PDE12: variants seen among roughly 807,000 people sequenced by gnomAD.
The protein encoded by PDE12 is 2',5'-phosphodiesterase 12.
Under a neutral mutation model 45.4 loss-of-function variants are expected in PDE12, and 26 were observed. The observed-to-expected ratio is 0.57, with a 90% CI of 0.42 to 0.79. The LOEUF is 0.79. Ranked by LOEUF, PDE12 falls within the 30% of genes least tolerant of loss-of-function variation. PDE12 has a pLI of 0.00. For missense variants in PDE12, 668 were observed against 790.0 expected, an observed-to-expected ratio of 0.85 and a Z score of 1.85; for synonymous variants, 283 against 323.9, an observed-to-expected ratio of 0.87 and a Z score of 1.36.
intron 1 of PDE12, among the ~76,000 whole-genome samples, chr3:57,558,234 A>G (rs760905290): frequency 6.6e-6 from 1 of 152,180 alleles, no homozygotes; most frequent in Admixed American, 6.5e-5. Context: ...AAGGTGTTTC[A>G]TGCACCTTAT....
rs1408951941 is a variant in PDE12 at position 57,562,100 on chromosome 3, A to G, written c.*2096A>G. ...ATGTTTTTGGGCTGTTTTCAAAGAA[A>G]GATGTTGATAGAACCCTTAGAGTGA... On this transcript the variant is annotated 3_prime_UTR_variant, in exon 3 of 3. Transcript: ENST00000311180. 3.1e-6 allele frequency: 3 copies of G among 982,122 alleles called. No individual in the cohort carries two copies. The highest frequency in any genetic ancestry group is 2.4e-6 in the Non-Finnish European group (2 of 827,044). 60.8% of individuals were successfully genotyped at this position (982,122 alleles called of 1,614,324 possible).
At chr3:57,626,675 C>T in the PDE12 span, 1 of 152,324 alleles carries the variant, frequency 6.6e-6, no homozygotes, top group Non-Finnish European at 1.5e-5. Context: ...CGCCATTGCA[C>T]TCCAGCCTGG....
chr3:57,643,230 G>A, the PDE12 span, among the ~76,000 whole-genome samples: 1 of 152,090 alleles, frequency 6.6e-6, no homozygotes, highest in Admixed American at 6.6e-5. Flanking sequence ...TTACAAAGGA[G>A]AAATTTATGA....
the PDE12 span, among the ~76,000 whole-genome samples, chr3:57,648,072 T>C: frequency 6.6e-6 from 1 of 152,176 alleles, no homozygotes; most frequent in Non-Finnish European, 1.5e-5. Flanking sequence ...GAATTTAAAC[T>C]GTCACTGTTT....
At position 57,563,344 on chromosome 3, in the gene PDE12, TTC is replaced by T. The variant is rs1468748617; in HGVS notation, c.*3342_*3343del. The T allele has an allele frequency of 1.3e-5, 2 of 152,080 alleles. No individual in the cohort carries two copies. The highest frequency in any genetic ancestry group is 4.8e-5 in the African/African-American group (2 of 41,404). 9.4% of individuals were successfully genotyped at this position (152,080 alleles called of 1,614,324 possible). On this transcript the variant is annotated 3_prime_UTR_variant, in exon 3 of 3. Coordinates refer to ENST00000311180, the MANE Select transcript of PDE12 (RefSeq NM_177966.7). The stretch of plus-strand genomic sequence containing the variant: ...AACCTTCCATAACTGAAAACTAACT[TTC>T]TTTTTTTCTTTTTTTATTATTATAC...
chr3:57,650,740 A>T, the PDE12 span, among the ~76,000 whole-genome samples: 1 of 152,154 alleles, frequency 6.6e-6, no homozygotes, highest in African/African-American at 2.4e-5. Context: ...CCAAACCTGC[A>T]TCAAAAGGTG....
chr3:57,630,847 T>C, the PDE12 span: 3 of 1,610,304 alleles, frequency 1.9e-6, no homozygotes, highest in Non-Finnish European at 2.5e-6. Context: ...ACATATAATA[T>C]TTAGAAATTA....
At chr3:57,559,213 T>C in intron 1 of PDE12, 97 bp from the exon 2 acceptor site, 2 of 980,640 alleles carry the variant, frequency 2.0e-6, no homozygotes, top group Admixed American at 3.9e-5. Context: ...AGAGTGAGAC[T>C]GTCTCGAAAA....
At chr3:57,570,457 A>G (rs1405633482), downstream of PDE12, among the ~76,000 whole-genome samples, 1 of 149,632 alleles carries the variant, frequency 6.7e-6, no homozygotes, top group African/African-American at 2.5e-5. Flanking sequence ...AGCTCAGGCA[A>G]TCTGCCCACC....
Position 57,557,290 on chromosome 3 carries a change from C to G in PDE12, c.911C>G (p.Ala304Gly). Residue 304 changes from alanine to glycine, a missense_variant, in exon 1 of 3, where the codon GCA becomes GGA. Ala to Gly is a moderately conservative substitution (Grantham distance 60, BLOSUM62 0). This residue lies in a region of PDE12 where 580 missense variants were observed against 662.9 expected (regional missense o/e 0.87). Transcript: ENST00000311180. Reference sequence around the variant, plus strand: ...CGCACTGTCTCTTACAACATCCTGGCAGACACGTACGCGCAGACTGAGTTC... The same window carrying G: ...CGCACTGTCTCTTACAACATCCTGGGAGACACGTACGCGCAGACTGAGTTC... ...LIRTVSYNIL[A>G]DTYAQTEFSR... 1 of 1,613,968 alleles carries G rather than the reference C, an allele frequency of 6.2e-7. No homozygotes were observed. The highest frequency in any genetic ancestry group is 1.1e-5 in the South Asian group (1 of 91,082).
At chr3:57,625,560 C>G in the PDE12 span, 1 of 152,410 alleles carries the variant, frequency 6.6e-6, no homozygotes, top group Non-Finnish European at 1.5e-5. Flanking sequence ...TTACATAATA[C>G]CCTTAAAGCA....
At chr3:57,653,313 A>C in the PDE12 span, among the ~76,000 whole-genome samples, 1 of 152,170 alleles carries the variant, frequency 6.6e-6, no homozygotes, top group African/African-American at 2.4e-5. Context: ...GCACACATAG[A>C]AGATAGGAAG....
At chr3:57,652,420 T>C in the PDE12 span, among the ~76,000 whole-genome samples, 1 of 152,126 alleles carries the variant, frequency 6.6e-6, no homozygotes, top group Non-Finnish European at 1.5e-5. Context: ...CAGACTCCTA[T>C]GTCCAACTGA....
In PDE12 at chr3:57,556,376, G is replaced by A. The variant is rs374758717; in HGVS notation, c.-4G>A. ...GTCTTGTCGACCGCTAGGCCACCAGGTTCATGTGGAGGCTCCCAGGCGCCC... is the reference window on the plus strand; with the variant it reads ...GTCTTGTCGACCGCTAGGCCACCAGATTCATGTGGAGGCTCCCAGGCGCCC... On this transcript the variant is annotated 5_prime_UTR_variant, in exon 1 of 3. Transcript: ENST00000311180. This position sits in a 1 kb window ranked among gnomAD's most constrained non-coding sequence, Gnocchi z 5.0. The A allele has an allele frequency of 1.9e-6, 3 of 1,564,388 alleles. No individual in the cohort carries two copies. Among genetic ancestry groups the A allele is most frequent in the Non-Finnish European group, 2.6e-6 (3 of 1,155,634 alleles).
At chr3:57,632,328 CTCTT>C in the PDE12 span, among the ~76,000 whole-genome samples, 14 of 151,356 alleles carry the variant, frequency 9.2e-5, no homozygotes, top group African/African-American at 3.4e-4. Context: ...CCAGTCCATG[CTCTT>C]TTTTTTTTTA....
In PDE12 at chr3:57,566,238, A is replaced by G. The variant is rs1359476887; in HGVS notation, c.*6234A>G. 1 of 152,190 alleles carries G rather than the reference A, an allele frequency of 6.6e-6. No homozygotes were observed. The highest frequency in any genetic ancestry group is 2.4e-5 in the African/African-American group (1 of 41,448). 9.4% of individuals were successfully genotyped at this position (152,190 alleles called of 1,614,324 possible). A position where few individuals can be genotyped will look rare whatever the true frequency, so the allele number is the denominator to read the frequency against. ...ATTCTGGACATTTCATATAAATTGA[A>G]TCATAATTTATGTAGTCTTTTGTGA... On this transcript the variant is annotated 3_prime_UTR_variant, in exon 3 of 3. Coordinates refer to ENST00000311180, the MANE Select transcript of PDE12 (RefSeq NM_177966.7).
chr3:57,559,608 A>C lies in PDE12; in HGVS notation c.1434A>C (p.Ile478=), dbSNP rs1474697376. The C allele has an allele frequency of 1.9e-6, 3 of 1,612,764 alleles. No individual in the cohort carries two copies. In the South Asian group the frequency reaches 3.3e-5, roughly 18 times the overall value. ...AAATGGCAGTAGCCTTGGCTCACATAAGACATGTTTCATGTGATCTGTATC... is the reference window on the plus strand; with the variant it reads ...AAATGGCAGTAGCCTTGGCTCACATCAGACATGTTTCATGTGATCTGTATC... ...LIQMAVALAH[I]RHVSCDLYPG... is the part of the protein sequence containing the mutation. Residue 478 remains isoleucine (I), a synonymous_variant, in exon 3 of 3, where the codon ATA becomes ATC. Transcript: ENST00000311180.
At chr3:57,574,425 TAAAG>T in the PDE12 span, among the ~76,000 whole-genome samples, 18 of 151,074 alleles carry the variant, frequency 1.2e-4, no homozygotes, top group African/African-American at 4.4e-4. Flanking sequence ...TTTTTTTTTT[TAAAG>T]AAACAGTCTT....
chr3:57,559,176 G>T, intron 1 of PDE12, 134 bp from the exon 2 acceptor site: 1 of 652,658 alleles, frequency 1.5e-6, no homozygotes. Context: ...AGCCGAGATC[G>T]CGCTACTGCA....
Sources: gnomAD v4.1 joint callset for allele counts (sites outside exome capture counted in the v4.1 genomes callset) on GRCh38, gnomAD v4.1.1 for gene constraint, gnomAD v4.1.1 regional missense constraint, Gnocchi (gnomAD v3.1) non-coding constraint, MANE v1.5 for transcripts, NCBI Gene and HGNC (gene_info 2026-07-23, HGNC 2026-07-21) for gene names.